NTRK3: variants seen among roughly 807,000 people sequenced by gnomAD.
The protein encoded by NTRK3 is NT-3 growth factor receptor.
Under a neutral mutation model 91.7 loss-of-function variants are expected in NTRK3, and 24 were observed. That is an observed-to-expected ratio of 0.26 (90% confidence interval 0.19 to 0.37). NTRK3 has a LOEUF of 0.37. Ranked by LOEUF, NTRK3 falls within the 10% of genes least tolerant of loss-of-function variation. The pLI, the probability that NTRK3 is intolerant of heterozygous loss-of-function variation, is 1.00. For synonymous variants in NTRK3, 483 were observed against 404.0 expected (o/e 1.20, Z -2.34); for missense variants, 880 against 1,068.9 (o/e 0.82, Z 2.46).
intron 13 of NTRK3, among the ~76,000 whole-genome samples, chr15:88,110,142 G>A (rs2051168757): frequency 6.6e-6 from 1 of 152,078 alleles, no homozygotes; most frequent in Admixed American, 6.5e-5. Flanking sequence ...AGCCCCAGTA[G>A]GATGACTGGG....
chr15:88,094,913 G>A (rs918741804), intron 13 of NTRK3, among the ~76,000 whole-genome samples: 1 of 152,196 alleles, frequency 6.6e-6, no homozygotes, highest in African/African-American at 2.4e-5. Flanking sequence ...AATCTGATTG[G>A]CCAAATGTTT....
intron 13 of NTRK3, among the ~76,000 whole-genome samples, chr15:88,103,955 A>G (rs781663712): frequency 3.9e-5 from 6 of 152,200 alleles, no homozygotes; most frequent in Admixed American, 1.3e-4. Flanking sequence ...ATTCTTCTGT[A>G]TAACTGGCCA....
chr15:87,862,053 C>A, exon 19 of NTRK3: 1 of 213,334 alleles, frequency 4.7e-6, no homozygotes, highest in Non-Finnish European at 9.5e-6. Flanking sequence ...GGGAAGGTTC[C>A]TGGATTAAAA....
chr15:88,254,526 T>C (rs1253022865), intron 3 of NTRK3, among the ~76,000 whole-genome samples: 1 of 152,104 alleles, frequency 6.6e-6, no homozygotes, highest in East Asian at 1.9e-4. Flanking sequence ...CCTCAAACTG[T>C]CAGCTGCGAG....
chr15:88,111,120 G>T (rs1371604490), intron 13 of NTRK3, among the ~76,000 whole-genome samples: 2 of 152,216 alleles, frequency 1.3e-5, no homozygotes, highest in Non-Finnish European at 2.9e-5. Context: ...ATGAGCGATG[G>T]GGTGGGGGTT....
intron 14 of NTRK3, among the ~76,000 whole-genome samples, chr15:87,946,930 G>A (rs150337318): frequency 8.7e-5 from 12 of 138,124 alleles, no homozygotes; most frequent in Admixed American, 2.4e-4. Context: ...CGCCCAGGCT[G>A]GAGTGCAATG....
intron 10 of NTRK3, among the ~76,000 whole-genome samples, chr15:88,133,398 G>A (rs1468334108): frequency 6.6e-6 from 1 of 152,132 alleles, no homozygotes; most frequent in Non-Finnish European, 1.5e-5. Context: ...ACCCCTGGCA[G>A]AAGGAGCCAG....
exon 19 of NTRK3, chr15:87,873,064 C>T (rs1035226040): frequency 4.3e-6 from 1 of 232,842 alleles, no homozygotes; most frequent in South Asian, 1.8e-4. Context: ...AGTTGAGTCT[C>T]GTGCAGCCCC....
At chr15:88,183,268 A>T in intron 5 of NTRK3, 150 bp downstream of exon 5, 1 of 740,082 alleles carries the variant, frequency 1.4e-6, no homozygotes, top group Non-Finnish European at 2.4e-6. Context: ...AATCCTTTTA[A>T]GAGGCAAAAT....
chr15:88,212,191 A>G (rs908075445), intron 3 of NTRK3, among the ~76,000 whole-genome samples: 2 of 152,106 alleles, frequency 1.3e-5, no homozygotes, highest in African/African-American at 2.4e-5. Flanking sequence ...ACACGGTGAA[A>G]CCCCGTCTCT....
chr15:87,956,715 C>T (rs1027298195), intron 14 of NTRK3, among the ~76,000 whole-genome samples: 2 of 151,330 alleles, frequency 1.3e-5, no homozygotes, highest in Admixed American at 6.6e-5. Context: ...GGACTACAGG[C>T]GCCCACCAAC....
At chr15:87,930,627 G>A (rs181765825) in intron 16 of NTRK3, among the ~76,000 whole-genome samples, 4 of 152,250 alleles carry the variant, frequency 2.6e-5, no homozygotes, top group Admixed American at 2.6e-4. Flanking sequence ...GAGCAGGCAG[G>A]GTTGGCCTGC....
exon 19 of NTRK3, chr15:87,873,285 G>A (rs1288876336): frequency 4.3e-6 from 1 of 230,792 alleles, no homozygotes; most frequent in African/African-American, 2.2e-5. Context: ...GGAGGAAGCA[G>A]CACCTCCTTT....
chr15:87,988,288 G>A (rs1001122675), intron 14 of NTRK3, among the ~76,000 whole-genome samples: 1 of 152,214 alleles, frequency 6.6e-6, no homozygotes, highest in Admixed American at 6.5e-5. Context: ...GACAAGGAAA[G>A]TCTAAGAAAC....
At chr15:87,912,168 A>C (rs1680832022) in intron 17 of NTRK3, among the ~76,000 whole-genome samples, 1 of 152,172 alleles carries the variant, frequency 6.6e-6, no homozygotes, top group Non-Finnish European at 1.5e-5. Flanking sequence ...TCTAAATTAA[A>C]TCATCTTTGC....
chr15:88,246,692 T>C (rs905230239), intron 3 of NTRK3, among the ~76,000 whole-genome samples: 3 of 152,214 alleles, frequency 2.0e-5, no homozygotes, highest in Non-Finnish European at 4.4e-5. Context: ...ACCAGGTGGC[T>C]TTCCTCCATC....
At chr15:88,127,069 G>T in intron 12 of NTRK3, 93 bp downstream of exon 12, 2 of 1,119,502 alleles carry the variant, frequency 1.8e-6, no homozygotes, top group Non-Finnish European at 2.7e-6. Flanking sequence ...AAAGTTTCAA[G>T]TAAGATAATA....
exon 14 of NTRK3, chr15:88,032,938 C>G: frequency 6.2e-7 from 1 of 1,613,546 alleles, no homozygotes; most frequent in Non-Finnish European, 8.5e-7. Context: ...ATGCCAATGA[C>G]CACAGTGTCG....
chr15:87,964,948 G>T (rs553507090), intron 14 of NTRK3, among the ~76,000 whole-genome samples: 1 of 152,300 alleles, frequency 6.6e-6, no homozygotes, highest in South Asian at 2.1e-4. Flanking sequence ...GAACATTTCT[G>T]TGCAAGTTTG....
Sources: allele counts gnomAD v4.1 joint callset (sites outside exome capture counted in the v4.1 genomes callset), GRCh38; gene constraint gnomAD v4.1.1; transcripts MANE v1.5; gene names NCBI Gene and HGNC (gene_info 2026-07-23, HGNC 2026-07-21).